The following ELOB variants were observed in gnomAD, a reference collection of about 807,000 sequenced individuals.
The protein encoded by ELOB is elongin-B.
Under a neutral mutation model 12.9 loss-of-function variants are expected in ELOB, and 3 were observed. The ratio of observed to expected loss-of-function variants is 0.23; its 90% confidence interval spans 0.11 to 0.60. ELOB has a LOEUF of 0.60. ELOB is among the 20% of genes least tolerant of loss of function. The probability of loss-of-function intolerance (pLI) is 0.89; values close to 1 mark genes in which losing one functional copy is unlikely to be tolerated. For synonymous variants in ELOB, 84 were observed against 67.4 expected (o/e 1.25, Z -1.21); for missense variants, 126 against 159.2 (o/e 0.79, Z 1.12).
chr16:2,773,924 G>C (rs1046646097), intron 3 of ELOB, among the ~76,000 whole-genome samples: 2 of 152,160 alleles, frequency 1.3e-5, no homozygotes, highest in Admixed American at 6.5e-5. Context: ...GCACTCCCTT[G>C]CTCTCTTCAG....
Position 2,772,115 on chromosome 16 carries a change from C to G in ELOB, c.245-13G>C, listed in dbSNP as rs73496400. ...TCAAAGGTGTCATCTGTGGAGGAAG[C>G]AGCAGAGCTGCAGGGGGGTATTCCA... On this transcript the variant is annotated splice_polypyrimidine_tract_variant and intron_variant, in intron 3 of 3. Transcript: ENST00000409906. The G allele has an allele frequency of 5.9e-3, 9,417 of 1,590,756 alleles. 436 individuals carry two copies. In the African/African-American group the frequency reaches 0.1, roughly 17 times the overall value.
chr16:2,777,200 G>T (rs1355190444), intron 1 of ELOB, 37 bp downstream of exon 1: 1 of 380,472 alleles, frequency 2.6e-6, no homozygotes, highest in Non-Finnish European at 3.3e-6. Flanking sequence ...CGCCGCCCCC[G>T]GCCCGGCCCG....
In ELOB at chr16:2,775,534, C is replaced by T. The variant is rs762947231; in HGVS notation, c.161G>A (p.Gly54Asp). 4 of 1,609,186 alleles carry T rather than the reference C, an allele frequency of 2.5e-6. No homozygotes were observed. The Admixed American group carries it at 6.7e-5, about 27-fold the overall frequency. ...GAAGCCACACTCGCCCAGTGTCTTG[C>T]CATCATCCAAGAGTTGGTCATCCTG... ...LYKDDQLLDD[G>D]KTLGECGFTS... The change falls in exon 3 of 4, where the codon GGC (glycine) becomes GAC (aspartate). Residue 54 changes from glycine (G) to aspartate (D), a missense_variant. Transcript: ENST00000409906.
At position 2,771,888 on chromosome 16, in the gene ELOB, CAG is replaced by C. The variant is rs1286734436; in HGVS notation, c.*100_*101del. 53 of 1,486,312 alleles carry C rather than the reference CAG, an allele frequency of 3.6e-5. No individual in the cohort carries two copies. The highest frequency in any genetic ancestry group is 4.7e-5 in the Non-Finnish European group (52 of 1,115,966). The allele number at this position is 1,486,312 out of a possible 1,614,324, so 92.1% of individuals were successfully genotyped here. A position where few individuals can be genotyped will look rare whatever the true frequency, so the allele number is the denominator to read the frequency against. ...AAGCACAAGCCCCAAAAGGAGCCCACAGGGAGTGGGACCCATCCCAGGGAGGG... is the reference window on the plus strand; with the variant it reads ...AAGCACAAGCCCCAAAAGGAGCCCACGGAGTGGGACCCATCCCAGGGAGGG... On this transcript the variant is annotated 3_prime_UTR_variant, in exon 4 of 4. Coordinates refer to ENST00000409906, the MANE Select transcript of ELOB (RefSeq NM_007108.4).
rs1567257366 is a variant in ELOB at position 2,775,550 on chromosome 16, G to C, written c.145C>G (p.Gln49Glu). ...PDEQRLYKDD[Q>E]LLDDGKTLGE... ...AGTGTCTTGCCATCATCCAAGAGTT[G>C]GTCATCCTGAGGAGAGAAGCAGGAT... Residue 49 changes from glutamine to glutamate, a missense_variant, in exon 3 of 4, where the codon CAA becomes GAA. By Grantham distance (29) the Gln-to-Glu change is conservative (BLOSUM62 2). Coordinates refer to ENST00000409906, the MANE Select transcript of ELOB (RefSeq NM_007108.4). The C allele has an allele frequency of 6.2e-7, 1 of 1,608,040 alleles. No homozygotes were observed. Among genetic ancestry groups the C allele is most frequent in the East Asian group, 2.2e-5 (1 of 44,816 alleles).
At chr16:2,775,401 T>TC in intron 3 of ELOB, 50 bp downstream of exon 3, 1 of 1,415,256 alleles carries the variant, frequency 7.1e-7, no homozygotes, top group East Asian at 2.3e-5. Flanking sequence ...GGAACAGTGT[T>TC]CCCAACCTGC....
intron 1 of ELOB, 46 bp downstream of exon 1, chr16:2,777,191 G>A: frequency 8.0e-6 from 2 of 250,728 alleles, no homozygotes; most frequent in Non-Finnish European, 1.1e-5. Context: ...GCCGCCCCCC[G>A]CCGCCCCCGG....
rs750965170 is a variant in ELOB at position 2,771,463 on chromosome 16, C to T, written c.*527G>A. The T allele has an allele frequency of 5.0e-6, 8 of 1,613,958 alleles. No individual in the cohort carries two copies. Among genetic ancestry groups the T allele is most frequent in the African/African-American group, 2.7e-5 (2 of 74,852 alleles). On this transcript the variant is annotated 3_prime_UTR_variant, in exon 4 of 4. Transcript: ENST00000409906. ...GGTGTGTTAAGGGGGCAGCCACTTC[C>T]CTCCGTGATTACAGCCCCCAGCGTG... is the stretch of plus-strand genomic sequence containing the variant.
intron 3 of ELOB, among the ~76,000 whole-genome samples, chr16:2,774,186 C>T: frequency 6.6e-6 from 1 of 151,808 alleles, no homozygotes; most frequent in East Asian, 1.9e-4. Flanking sequence ...GCTGAGATGG[C>T]GCCACTGCAC....
At chr16:2,777,214 G>A (rs2068807347) in intron 1 of ELOB, 23 bp downstream of exon 1, 2 of 925,688 alleles carry the variant, frequency 2.2e-6, no homozygotes, top group Non-Finnish European at 2.6e-6. Context: ...CGGCCCGGCC[G>A]CCCCTCCCCC....
In ELOB at chr16:2,771,765, G is replaced by T; in HGVS notation, c.*225C>A. The T allele has an allele frequency of 6.8e-7, 1 of 1,480,320 alleles. No homozygotes were observed. The highest frequency in any genetic ancestry group is 8.9e-7 in the Non-Finnish European group (1 of 1,120,392). The allele number at this position is 1,480,320 out of a possible 1,614,324, so 91.7% of individuals were successfully genotyped here. A position where few individuals can be genotyped will look rare whatever the true frequency, so the allele number is the denominator to read the frequency against. On this transcript the variant is annotated 3_prime_UTR_variant, in exon 4 of 4. Transcript: ENST00000409906. ...CTGCTAACAATGGCTTGGGTCTCAG[G>T]GCAACCCAGGTCCCCATGGTGCCTT...
chr16:2,771,750 T>C lies in ELOB; in HGVS notation c.*240A>G, dbSNP rs1567255050. On this transcript the variant is annotated 3_prime_UTR_variant, in exon 4 of 4. Transcript: ENST00000409906. ...GGTGTGGCTGGCTAGCTGCTAACAA[T>C]GGCTTGGGTCTCAGGGCAACCCAGG... The C allele has an allele frequency of 6.6e-7, 1 of 1,512,896 alleles. No individual in the cohort carries two copies. The highest frequency in any genetic ancestry group is 8.8e-7 in the Non-Finnish European group (1 of 1,134,836). The allele number at this position is 1,512,896 out of a possible 1,614,324, so 93.7% of individuals were successfully genotyped here.
intron 3 of ELOB, 124 bp downstream of exon 3, chr16:2,775,327 C>A (rs1304251766): frequency 1.8e-6 from 1 of 570,024 alleles, no homozygotes; most frequent in East Asian, 3.2e-5. Context: ...ATTGCCAGCC[C>A]TTTAGGCACG....
At chr16:2,775,313 G>A (rs1256299982) in intron 3 of ELOB, 138 bp downstream of exon 3, 14 of 509,594 alleles carry the variant, frequency 2.7e-5, no homozygotes, top group Non-Finnish European at 4.4e-5. Context: ...CATTGTGAAA[G>A]GATATTGCCA....
chr16:2,771,719 GTGGT>G lies in ELOB; in HGVS notation c.*267_*270del, dbSNP rs1204744533. ...AGTCCTTCCCTTTCCTCCCCCTGGC[GTGGT>G]TGGTGTGGCTGGCTAGCTGCTAACA... On this transcript the variant is annotated 3_prime_UTR_variant, in exon 4 of 4. Coordinates refer to ENST00000409906, the MANE Select transcript of ELOB (RefSeq NM_007108.4). 6.4e-6 allele frequency: 10 copies of G among 1,551,014 alleles called. No homozygotes were observed. The highest frequency in any genetic ancestry group is 8.7e-6 in the Non-Finnish European group (10 of 1,151,856).
At chr16:2,774,097 G>C (rs2068785253) in intron 3 of ELOB, among the ~76,000 whole-genome samples, 2 of 152,170 alleles carry the variant, frequency 1.3e-5, no homozygotes, top group Non-Finnish European at 2.9e-5. Flanking sequence ...GGGCGTGGTG[G>C]CACATGCCTG....
chr16:2,774,792 C>T (rs2068789474), intron 3 of ELOB, among the ~76,000 whole-genome samples: 1 of 135,046 alleles, frequency 7.4e-6, no homozygotes, highest in African/African-American at 2.7e-5. Flanking sequence ...AAACCACTCC[C>T]TAATCCCCAG....
intron 3 of ELOB, among the ~76,000 whole-genome samples, chr16:2,774,957 G>C (rs1324997301): frequency 2.0e-5 from 3 of 152,190 alleles, no homozygotes; most frequent in Non-Finnish European, 2.9e-5. Flanking sequence ...CAGCCACACA[G>C]AGATGCAGAG....
intron 3 of ELOB, 29 bp downstream of exon 3, chr16:2,775,422 C>G: frequency 1.9e-6 from 3 of 1,548,674 alleles, no homozygotes; most frequent in Non-Finnish European, 2.6e-6. Flanking sequence ...TTGGCTACCA[C>G]CCAGCCCAGT....
Sources: gnomAD v4.1 joint callset for allele counts (sites outside exome capture counted in the v4.1 genomes callset) on GRCh38, gnomAD v4.1.1 for gene constraint, MANE v1.5 for transcripts, NCBI Gene and HGNC (gene_info 2026-07-23, HGNC 2026-07-21) for gene names.